Variants in HFM1 observed in about 807,000 individuals in gnomAD.
HFM1 encodes helicase for meiosis 1.
Under a neutral mutation model 192.1 loss-of-function variants are expected in HFM1, and 169 were observed. The ratio of observed to expected loss-of-function variants is 0.88; its 90% CI spans 0.78 to 1.00. HFM1 has a LOEUF of 1.00. Among genes scored for constraint, HFM1 ranks in the 50% least tolerant of loss-of-function variants. The pLI, the probability that HFM1 is intolerant of heterozygous loss-of-function variation, is 0.00. For synonymous variants in HFM1, 525 were observed against 537.8 expected (o/e 0.98, Z 0.33); for missense variants, 1,661 against 1,668.0 (o/e 1.00, Z 0.07).
intron 13 of HFM1, among the ~76,000 whole-genome samples, chr1:91,364,623 T>C (rs910488968): frequency 2.6e-5 from 1 of 38,068 alleles, no homozygotes; most frequent in Non-Finnish European, 5.8e-5. Context: ...TATATATATA[T>C]ATATATATAT....
At chr1:91,368,266 A>G (rs925536425) in intron 13 of HFM1, among the ~76,000 whole-genome samples, 1 of 152,116 alleles carries the variant, frequency 6.6e-6, no homozygotes, top group African/African-American at 2.4e-5. Flanking sequence ...GATACTCCTC[A>G]AGAAGAGCAA....
chr1:91,293,629 A>G (rs987827002), intron 30 of HFM1, among the ~76,000 whole-genome samples: 1 of 151,352 alleles, frequency 6.6e-6, no homozygotes, highest in African/African-American at 2.4e-5. Flanking sequence ...ACCATTGTGG[A>G]AGTCAGTGTG....
intron 38 of HFM1, 85 bp from the exon 39 acceptor site, chr1:91,261,444 A>C: frequency 1.8e-6 from 1 of 549,588 alleles, no homozygotes; most frequent in Non-Finnish European, 2.9e-6. Flanking sequence ...AATACTAAAC[A>C]CAATAAAATA....
chr1:91,332,325 G>C (rs796087624), intron 20 of HFM1, among the ~76,000 whole-genome samples: 80 of 152,120 alleles, frequency 5.3e-4, no homozygotes, highest in African/African-American at 1.9e-3. Flanking sequence ...ACTCATTTTT[G>C]ACAAAGGTGC....
chr1:91,338,264 C>T (rs548005883), intron 20 of HFM1, among the ~76,000 whole-genome samples: 21 of 152,338 alleles, frequency 1.4e-4, no homozygotes, highest in African/African-American at 4.6e-4. Context: ...GGAATGGCTA[C>T]AGTGGAGTAC....
At chr1:91,343,254 C>A (rs1160901436) in intron 20 of HFM1, among the ~76,000 whole-genome samples, 176 bp downstream of exon 20, 202 of 66,394 alleles carry the variant, frequency 3.0e-3, no homozygotes, top group Non-Finnish European at 4.2e-3. Context: ...AAAAAAAAAA[C>A]TATTACAAAT....
intron 20 of HFM1, among the ~76,000 whole-genome samples, chr1:91,327,760 T>C (rs867909068): frequency 2.9e-4 from 44 of 152,282 alleles, no homozygotes; most frequent in East Asian, 1.3e-3. Flanking sequence ...GTTTTAAAAA[T>C]TGAAATAATA....
At chr1:91,280,925 C>G (rs1047289390) in intron 30 of HFM1, among the ~76,000 whole-genome samples, 1 of 152,216 alleles carries the variant, frequency 6.6e-6, no homozygotes, top group Non-Finnish European at 1.5e-5. Context: ...ATAGCAGCTA[C>G]CACTACATTG....
intron 13 of HFM1, among the ~76,000 whole-genome samples, chr1:91,366,642 G>A (rs1659351521): frequency 6.6e-6 from 1 of 152,196 alleles, no homozygotes; most frequent in South Asian, 2.1e-4. Context: ...AGAGGTGGGT[G>A]GAGCCAAGAT....
intron 30 of HFM1, among the ~76,000 whole-genome samples, chr1:91,289,793 G>C (rs1408930099): frequency 6.6e-6 from 1 of 152,148 alleles, no homozygotes; most frequent in Admixed American, 6.5e-5. Context: ...AGGTTGCAGT[G>C]AGCCGAGATG....
chr1:91,398,549 A>T (rs992826855), intron 2 of HFM1, among the ~76,000 whole-genome samples: 2 of 152,166 alleles, frequency 1.3e-5, no homozygotes, highest in Admixed American at 1.3e-4. Context: ...AAAATTCTTC[A>T]ATGGCTTTCA....
intron 30 of HFM1, among the ~76,000 whole-genome samples, chr1:91,279,652 T>A (rs1334620409): frequency 6.6e-6 from 1 of 152,190 alleles, no homozygotes; most frequent in African/African-American, 2.4e-5. Context: ...AATAGTTCCA[T>A]GCCTTTTTAT....
intron 13 of HFM1, among the ~76,000 whole-genome samples, chr1:91,366,047 TAAAG>T (rs1398463820): frequency 2.0e-5 from 3 of 150,922 alleles, no homozygotes; most frequent in Non-Finnish European, 4.4e-5. Flanking sequence ...AGAGGAGAGT[TAAAG>T]GAGAGAGAAA....
chr1:91,324,813 CAACT>C (rs779529209), intron 20 of HFM1, 47 bp from the exon 21 acceptor site: 11 of 1,001,092 alleles, frequency 1.1e-5, no homozygotes, highest in Non-Finnish European at 1.8e-5. Flanking sequence ...TCAGCTGAAC[CAACT>C]GTTTTTTTAT....
intron 25 of HFM1, 50 bp downstream of exon 25, chr1:91,319,028 A>G (rs1040051382): frequency 2.0e-6 from 3 of 1,526,822 alleles, no homozygotes; most frequent in Admixed American, 2.2e-5. Flanking sequence ...CAGTGAATAC[A>G]AAATAAATTG....
At chr1:91,352,920 T>C (rs1302283942) in intron 15 of HFM1, 131 bp downstream of exon 15, 2 of 647,332 alleles carry the variant, frequency 3.1e-6, no homozygotes, top group Non-Finnish European at 2.7e-6. Context: ...CATGCATAGG[T>C]AACCACTTAA....
intron 30 of HFM1, among the ~76,000 whole-genome samples, chr1:91,302,116 C>T (rs1027422167): frequency 2.0e-5 from 3 of 150,016 alleles, no homozygotes; most frequent in Admixed American, 6.7e-5. Flanking sequence ...AAAAGTGGTT[C>T]GTGAAGGATA....
chr1:91,372,039 T>C (rs1660286233), intron 13 of HFM1, among the ~76,000 whole-genome samples: 1 of 152,154 alleles, frequency 6.6e-6, no homozygotes, highest in Admixed American at 6.5e-5. Flanking sequence ...CACAATGAGA[T>C]ACCATCTCAC....
At chr1:91,343,156 G>A (rs1338741840) in intron 20 of HFM1, among the ~76,000 whole-genome samples, 5 of 150,424 alleles carry the variant, frequency 3.3e-5, no homozygotes, top group African/African-American at 1.2e-4. Flanking sequence ...GCATGAACCC[G>A]GGAGGCGGAG....
Sources: allele counts gnomAD v4.1 joint callset (sites outside exome capture counted in the v4.1 genomes callset), GRCh38; gene constraint gnomAD v4.1.1; transcripts MANE v1.5; gene names NCBI Gene and HGNC (gene_info 2026-07-23, HGNC 2026-07-21).